Variants in PCDHGB2 observed in about 807,000 individuals in gnomAD.
PCDHGB2 encodes the protein protocadherin gamma-B2.
Under a neutral mutation model 59.3 loss-of-function variants are expected in PCDHGB2, and 55 were observed. The ratio of observed to expected loss-of-function variants is 0.93; its 90% CI spans 0.75 to 1.16. The LOEUF (loss-of-function observed/expected upper bound fraction) is 1.16. PCDHGB2 is among the 50% of genes most tolerant of loss of function. The pLI, the probability that PCDHGB2 is intolerant of heterozygous loss-of-function variation, is 0.00. For synonymous variants in PCDHGB2, 516 were observed against 512.0 expected, an observed-to-expected ratio of 1.01 and a Z score of -0.11; for missense variants, 1,228 against 1,198.5, an observed-to-expected ratio of 1.02 and a Z score of -0.36.
In PCDHGB2 at chr5:141,500,452, G is replaced by A. The variant is rs554196222; in HGVS notation, c.2481-4941G>A. 2.6e-3 allele frequency among the ~76,000 whole-genome samples: 398 copies of A among 151,620 alleles called. 2 individuals carry two copies. The highest frequency in any genetic ancestry group is 0.021 in the South Asian group (99 of 4,798). On this transcript the variant is annotated intron_variant, in intron 2 of 3. Transcript: ENST00000522605. ...TCTCGATCTCCTGACCTCGTGATCC[G>A]CCCGCCTCGGCCTCCCAAAGTGCTG... is the stretch of plus-strand genomic sequence containing the variant.
At chr5:141,388,085 C>G in intron 1 of PCDHGB2, 1 of 1,363,472 alleles carries the variant, frequency 7.3e-7, no homozygotes, top group Non-Finnish European at 1.0e-6. Context: ...GAAAACTGCG[C>G]GTCAGTTCGG....
intron 1 of PCDHGB2, chr5:141,385,279 T>C (rs1781077881): frequency 1.2e-6 from 2 of 1,613,486 alleles, no homozygotes; most frequent in African/African-American, 2.7e-5. Flanking sequence ...TTTGCTAACA[T>C]CCGTAGATTT....
chr5:141,364,754 G>A (rs940260607), intron 1 of PCDHGB2: 5 of 1,613,870 alleles, frequency 3.1e-6, no homozygotes, highest in Non-Finnish European at 4.2e-6. Context: ...AAAAGTAAAA[G>A]TTAATGAAAA....
chr5:141,422,140 C>A, intron 1 of PCDHGB2: 1 of 1,586,776 alleles, frequency 6.3e-7, no homozygotes, highest in Non-Finnish European at 8.5e-7. Flanking sequence ...AGTTCAAGTA[C>A]GGGGGTCTCT....
chr5:141,408,311 A>C (rs1467917610), intron 1 of PCDHGB2: 1 of 1,613,650 alleles, frequency 6.2e-7, no homozygotes, highest in African/African-American at 1.3e-5. Context: ...CCGCTACTCG[A>C]TTCCGGAGGA....
chr5:141,417,285 A>C (rs913143514), intron 1 of PCDHGB2: 2 of 152,254 alleles, frequency 1.3e-5, no homozygotes, highest in African/African-American at 4.8e-5. Flanking sequence ...AAGGAACAAG[A>C]ATGACTGCCT....
At position 141,360,191 on chromosome 5, in the gene PCDHGB2, C is replaced by A. The variant is rs764540512; in HGVS notation, c.56C>A (p.Pro19His). Residue 19 changes from proline (P) to histidine (H), a missense_variant, in exon 1 of 4, where the codon CCC becomes CAC. This residue lies in a region of PCDHGB2 where 781 missense variants were observed against 721.6 expected (regional missense o/e 1.08). Transcript: ENST00000522605. The stretch of plus-strand genomic sequence containing the variant: ...GTGCGGTGGCTGCAGGTACTGTTGC[C>A]CTTCCTGTTGTCTTTGTTCCCCGGG... ...GLVRWLQVLL[P>H]FLLSLFPGAL... 3 of 1,611,710 alleles carry A rather than the reference C, an allele frequency of 1.9e-6. No individual in the cohort carries two copies. The highest frequency in any genetic ancestry group is 2.2e-5 in the East Asian group (1 of 44,816).
At chr5:141,418,855 A>C in intron 1 of PCDHGB2, 1 of 1,614,042 alleles carries the variant, frequency 6.2e-7, no homozygotes, top group Non-Finnish European at 8.5e-7. Context: ...CACGGTGTAA[A>C]GTAATTGTAG....
At chr5:141,381,012 AC>A (rs1776931879) in intron 1 of PCDHGB2, among the ~76,000 whole-genome samples, 1 of 152,354 alleles carries the variant, frequency 6.6e-6, no homozygotes, top group South Asian at 2.1e-4. Context: ...CATCTATAAT[AC>A]CTCTATTAGT....
intron 1 of PCDHGB2, among the ~76,000 whole-genome samples, chr5:141,460,536 G>A (rs911670681): frequency 2.0e-5 from 3 of 152,092 alleles, no homozygotes; most frequent in African/African-American, 7.2e-5. Flanking sequence ...AATAATCTTA[G>A]CACCTTAATC....
At chr5:141,402,639 A>C (rs886333954) in intron 1 of PCDHGB2, among the ~76,000 whole-genome samples, 2 of 152,250 alleles carry the variant, frequency 1.3e-5, no homozygotes. Flanking sequence ...ATCTAAAATC[A>C]TAATTAGAAG....
intron 1 of PCDHGB2, among the ~76,000 whole-genome samples, chr5:141,450,830 T>TTTA (rs1554136905): frequency 6.9e-5 from 7 of 101,548 alleles, no homozygotes; most frequent in East Asian, 2.6e-4. Flanking sequence ...ATTATTATTA[T>TTTA]TTTTTTTTTT....
rs771138206 is a variant in PCDHGB2, at chr5:141,365,985, T to A, written c.2421+3429T>A. ...AGCAACGTGTCGCTGAGCCTGTTTG[T>A]GCTGGACCAGAACGACAATACGCCT... On this transcript the variant is annotated intron_variant, in intron 1 of 3. Coordinates refer to ENST00000522605, the MANE Select transcript of PCDHGB2 (RefSeq NM_018923.3). 6.2e-6 allele frequency: 10 copies of A among 1,614,116 alleles called. No individual in the cohort carries two copies. In the Admixed American group the frequency reaches 1.3e-4, roughly 22 times the overall value.
intron 1 of PCDHGB2, chr5:141,423,923 G>C: frequency 8.0e-7 from 1 of 1,254,744 alleles, no homozygotes; most frequent in Non-Finnish European, 1.0e-6. Flanking sequence ...CAACTATGCT[G>C]GTTTGGTTTG....
At chr5:141,398,698 T>C (rs2093690457) in intron 1 of PCDHGB2, 2 of 1,613,680 alleles carry the variant, frequency 1.2e-6, no homozygotes, top group Admixed American at 1.7e-5. Flanking sequence ...TGGTAGTAAA[T>C]ACCCGGAACT....
At chr5:141,408,303 G>A in intron 1 of PCDHGB2, 3 of 1,613,794 alleles carry the variant, frequency 1.9e-6, no homozygotes, top group Non-Finnish European at 2.5e-6. Flanking sequence ...GAGCCGATCC[G>A]CTACTCGATT....
chr5:141,366,300 C>T (rs761287216), intron 1 of PCDHGB2: 8 of 1,613,654 alleles, frequency 5.0e-6, no homozygotes, highest in Non-Finnish European at 6.8e-6. Flanking sequence ...CTGTCAGCCA[C>T]CTTCACGGTC....
chr5:141,414,613 G>A (rs957641063), intron 1 of PCDHGB2: 2 of 1,613,988 alleles, frequency 1.2e-6, no homozygotes, highest in East Asian at 4.5e-5. Flanking sequence ...CTCAGTGACA[G>A]CGCTGGACCC....
chr5:141,504,550 G>A (rs944574179), intron 2 of PCDHGB2, among the ~76,000 whole-genome samples: 2 of 151,586 alleles, frequency 1.3e-5, no homozygotes, highest in Non-Finnish European at 2.9e-5. Context: ...GCAAATGTTG[G>A]GGGACTGGCA....
Sources: gnomAD v4.1 joint callset for allele counts (sites outside exome capture counted in the v4.1 genomes callset) on GRCh38, gnomAD v4.1.1 for gene constraint, gnomAD v4.1.1 regional missense constraint, MANE v1.5 for transcripts, NCBI Gene and HGNC (gene_info 2026-07-23, HGNC 2026-07-21) for gene names.